The following SLC12A5 variants were observed in gnomAD, a reference collection of about 807,000 sequenced individuals.
SLC12A5 encodes K-Cl cotransporter 2.
In SLC12A5, 18 loss-of-function variants were observed where a neutral mutation model predicts 124.0. That is an observed-to-expected ratio of 0.15 (90% confidence interval 0.10 to 0.22). The LOEUF is 0.22. SLC12A5 is among the 10% of genes least tolerant of loss of function. The pLI, the probability that SLC12A5 is intolerant of heterozygous loss-of-function variation, is 1.00. For missense variants in SLC12A5, 867 were observed against 1,478.7 expected (o/e 0.59, Z 6.78); for synonymous variants, 589 against 568.0 (o/e 1.04, Z -0.53).
upstream of SLC12A5, among the ~76,000 whole-genome samples, chr20:46,025,986 C>G (rs749896581): frequency 6.6e-6 from 1 of 152,168 alleles, no homozygotes; most frequent in Non-Finnish European, 1.5e-5. Flanking sequence ...TCCGGTGGCT[C>G]TAGCTTCCTC....
rs1346764006 is a variant in SLC12A5, at chr20:46,044,854, A to G, written c.1395-112A>G. On this transcript the variant is annotated intron_variant, in intron 11 of 25. Coordinates refer to ENST00000243964, the MANE Select transcript of SLC12A5 (RefSeq NM_020708.5). The stretch of plus-strand genomic sequence containing the variant: ...GCTCTGCCTCCCCTGTCACCCTTAC[A>G]GAACTTAGTCCTGTGGCAGGCACAC... 8 of 1,214,472 alleles carry G rather than the reference A, an allele frequency of 6.6e-6. No individual in the cohort carries two copies. The East Asian group carries it at 1.9e-4, about 29-fold the overall frequency. The allele number at this position is 1,214,472 out of a possible 1,614,324, so 75.2% of individuals were successfully genotyped here. A position where few individuals can be genotyped will look rare whatever the true frequency, so the allele number is the denominator to read the frequency against.
upstream of SLC12A5, among the ~76,000 whole-genome samples, chr20:46,024,972 C>T (rs1226346270): frequency 6.6e-6 from 1 of 152,116 alleles, no homozygotes; most frequent in Non-Finnish European, 1.5e-5. Context: ...GGGATGTGTC[C>T]CCATGGAGGG....
rs2084585736 is a variant in SLC12A5 at position 46,045,353 on chromosome 20, GC to G, written c.1569+216del. 6.6e-6 allele frequency among the ~76,000 whole-genome samples: 1 copy of G among 152,172 alleles called. No individual in the cohort carries two copies. ...GGAGTTGGGCAGGGCATTGGGTGGT[GC>G]CCTGTCTGTGGCTTCTCCTTCACCC... On this transcript the variant is annotated intron_variant, in intron 12 of 25. Transcript: ENST00000243964. The surrounding 1 kb of genome is among the most constrained non-coding windows in gnomAD (Gnocchi z 4.9).
Position 46,041,322 on chromosome 20 carries a change from T to C in SLC12A5, c.855-7T>C. 2 of 1,613,726 alleles carry C rather than the reference T, an allele frequency of 1.2e-6. No homozygotes were observed. The highest frequency in any genetic ancestry group is 2.2e-5 in the South Asian group (2 of 91,054). On this transcript the variant is annotated splice_region_variant and splice_polypyrimidine_tract_variant and intron_variant, in intron 7 of 25. Coordinates refer to ENST00000243964, the MANE Select transcript of SLC12A5 (RefSeq NM_020708.5). ...TCCCCACCTTCCTCCCTTGTTTCTC[T>C]CCCTAGGATCTGCCTCCTGGGTAAC...
chr20:46,045,745 G>A lies in SLC12A5; in HGVS notation c.1570-133G>A, dbSNP rs969784669. The A allele has an allele frequency of 1.4e-5, 10 of 690,084 alleles. No individual in the cohort carries two copies. The highest frequency in any genetic ancestry group is 9.3e-5 in the South Asian group (5 of 53,898). The allele number at this position is 690,084 out of a possible 1,614,324, so 42.7% of individuals were successfully genotyped here. On this transcript the variant is annotated intron_variant, in intron 12 of 25. Transcript: ENST00000243964. The surrounding 1 kb of genome is among the most constrained non-coding windows in gnomAD (Gnocchi z 4.9). Reference sequence around the variant, plus strand: ...ATCCATTTGCATTCTCCTGGAGGAAGAGAAATGCATCCTCTCCCTTCCTCC... The same window carrying A: ...ATCCATTTGCATTCTCCTGGAGGAAAAGAAATGCATCCTCTCCCTTCCTCC...
intron 1 of SLC12A5, among the ~76,000 whole-genome samples, chr20:46,034,002 G>A (rs982596957): frequency 2.0e-5 from 3 of 151,872 alleles, no homozygotes; most frequent in African/African-American, 4.8e-5. Context: ...CTCTGGATGA[G>A]GTCCACATTC....
chr20:46,031,951 C>CA (rs2084454898), intron 1 of SLC12A5, among the ~76,000 whole-genome samples: 2 of 152,264 alleles, frequency 1.3e-5, no homozygotes, highest in South Asian at 4.1e-4. Flanking sequence ...CCATCCCCCT[C>CA]AACCAGTGCG....
chr20:46,050,765 G>C (rs531774901), intron 17 of SLC12A5, among the ~76,000 whole-genome samples: 6 of 152,340 alleles, frequency 3.9e-5, no homozygotes, highest in Admixed American at 1.3e-4. Flanking sequence ...GTGCTCACAG[G>C]CTGGTGGGGA....
chr20:46,036,822 G>A (rs2145484013), intron 5 of SLC12A5, 27 bp downstream of exon 5: 2 of 1,613,566 alleles, frequency 1.2e-6, no homozygotes, highest in South Asian at 1.1e-5. Context: ...TTGTGGGGAG[G>A]GAGGATGGCT....
intron 1 of SLC12A5, among the ~76,000 whole-genome samples, chr20:46,031,799 G>A (rs1017412688): frequency 6.6e-6 from 1 of 152,200 alleles, no homozygotes; most frequent in Non-Finnish European, 1.5e-5. Context: ...GGGGCGGGGA[G>A]GGCTCAGCCT....
Position 46,047,541 on chromosome 20 carries a change from T to C in SLC12A5, c.1875T>C (p.Ala625=). Residue 625 remains alanine, a synonymous_variant, in exon 15 of 26, where the codon GCT becomes GCC. Transcript: ENST00000243964. ...ATGCACTGGTAGCCATGCTCATTGC[T>C]GGACTCATCTACAAGTACATTGAGT... is the stretch of plus-strand genomic sequence containing the variant. ...WYYALVAMLI[A]GLIYKYIEYR... The C allele has an allele frequency of 1.2e-6, 2 of 1,614,002 alleles. No individual in the cohort carries two copies. The highest frequency in any genetic ancestry group is 2.2e-5 in the South Asian group (2 of 91,076).
At chr20:46,039,472 C>T (rs980701612) in intron 6 of SLC12A5, among the ~76,000 whole-genome samples, 1 of 152,158 alleles carries the variant, frequency 6.6e-6, no homozygotes, top group African/African-American at 2.4e-5. Context: ...TAAAGTCAGT[C>T]CATATAAATC....
intron 8 of SLC12A5, among the ~76,000 whole-genome samples, 172 bp from the exon 9 acceptor site, chr20:46,042,981 G>A (rs569483665): frequency 3.3e-5 from 5 of 152,228 alleles, no homozygotes; most frequent in African/African-American, 1.2e-4. Context: ...TACATAGCCT[G>A]GCCCAAATCA....
chr20:46,057,203 C>T lies in SLC12A5; in HGVS notation c.3159C>T (p.Ala1053=), dbSNP rs769012834. ...CCAACGTGCGGCGCATGCACACGGC[C>T]GTGCGGCTGAACGAGGTCATCGTGA... The part of the protein sequence containing the change: ...NQSNVRRMHT[A]VRLNEVIVKK... Residue 1053 remains alanine (A), a synonymous_variant, in exon 25 of 26, where the codon GCC becomes GCT. Coordinates refer to ENST00000243964, the MANE Select transcript of SLC12A5 (RefSeq NM_020708.5). The surrounding 1 kb of genome is among the most constrained non-coding windows in gnomAD (Gnocchi z 7.1). The T allele has an allele frequency of 5.0e-6, 8 of 1,614,108 alleles. No individual in the cohort carries two copies. Among genetic ancestry groups the T allele is most frequent in the African/African-American group, 1.3e-5 (1 of 74,940 alleles).
At chr20:46,036,158 G>A (rs1422829310) in intron 4 of SLC12A5, 11 of 465,574 alleles carry the variant, frequency 2.4e-5, no homozygotes, top group African/African-American at 3.9e-5. Flanking sequence ...CACAAGTGAT[G>A]CAGCTCATTG....
At chr20:46,048,341 A>G (rs2084617001) in intron 16 of SLC12A5, among the ~76,000 whole-genome samples, 1 of 152,076 alleles carries the variant, frequency 6.6e-6, no homozygotes, top group Non-Finnish European at 1.5e-5. Flanking sequence ...CCATTCATTC[A>G]TTTCATCATT....
intron 20 of SLC12A5, among the ~76,000 whole-genome samples, chr20:46,054,612 C>T (rs2084674020): frequency 6.6e-6 from 1 of 152,194 alleles, no homozygotes; most frequent in Non-Finnish European, 1.5e-5. Flanking sequence ...TCTTCTTTCC[C>T]TTCTCCATTC....
chr20:46,039,511 A>G (rs2084526643), intron 6 of SLC12A5, among the ~76,000 whole-genome samples: 2 of 152,230 alleles, frequency 1.3e-5, no homozygotes, highest in Admixed American at 1.3e-4. Flanking sequence ...ACAGTGGCTC[A>G]TGCCTGTAAT....
At chr20:46,036,018 G>A in intron 4 of SLC12A5, 95 bp downstream of exon 4, 1 of 1,427,768 alleles carries the variant, frequency 7.0e-7, no homozygotes, top group Non-Finnish European at 9.4e-7. Flanking sequence ...TGAGACCTGA[G>A]CTTTTTATAG....
Sources: allele counts gnomAD v4.1 joint callset (sites outside exome capture counted in the v4.1 genomes callset), GRCh38; gene constraint gnomAD v4.1.1; non-coding constraint Gnocchi (gnomAD v3.1); transcripts MANE v1.5; gene names NCBI Gene and HGNC (gene_info 2026-07-23, HGNC 2026-07-21).